The following BICRA variants were observed in gnomAD, a reference collection of about 807,000 sequenced individuals.
The protein encoded by BICRA is BRD4-interacting chromatin-remodeling complex-associated protein.
BICRA carries 31 observed loss-of-function variants against 96.9 expected under a neutral mutation model. The observed-to-expected ratio is 0.32, with a 90% CI of 0.24 to 0.43. The LOEUF is 0.43. BICRA is among the 20% of genes least tolerant of loss of function. The probability of loss-of-function intolerance (pLI) is 1.00; values close to 1 mark genes in which losing one functional copy is unlikely to be tolerated. For synonymous variants in BICRA, 1,350 were observed against 1,071.8 expected (o/e 1.26, Z -5.07); for missense variants, 2,283 against 2,190.3 (o/e 1.04, Z -0.84).
chr19:47,695,570 G>C, intron 10 of BICRA, 96 bp downstream of exon 10: 2 of 670,436 alleles, frequency 3.0e-6, no homozygotes, highest in South Asian at 3.4e-5. Flanking sequence ...TGGAAGACGC[G>C]GACAGGATGA....
At chr19:47,653,102 A>G (rs2123551347) in intron 1 of BICRA, among the ~76,000 whole-genome samples, 1 of 145,908 alleles carries the variant, frequency 6.9e-6, no homozygotes, top group Admixed American at 7.2e-5. Context: ...AGCTCACTGC[A>G]ACCTCCACCT....
At chr19:47,672,714 A>T (rs750313722) in intron 2 of BICRA, among the ~76,000 whole-genome samples, 1 of 151,840 alleles carries the variant, frequency 6.6e-6, no homozygotes, top group African/African-American at 2.4e-5. Context: ...TACAGAGAAC[A>T]CCTGCTTCCC....
At chr19:47,614,021 C>T (rs1440814407) in intron 1 of BICRA, among the ~76,000 whole-genome samples, 1 of 151,628 alleles carries the variant, frequency 6.6e-6, no homozygotes, top group African/African-American at 2.4e-5. Context: ...TGTGACAGGG[C>T]CCTGGGGATC....
intron 10 of BICRA, among the ~76,000 whole-genome samples, chr19:47,695,903 C>T (rs988361981): frequency 1.3e-5 from 2 of 151,754 alleles, no homozygotes; most frequent in Non-Finnish European, 2.9e-5. Context: ...CAGCTGAGGC[C>T]GAGGCCACTT....
rs141384954 is a variant in BICRA, at chr19:47,639,151, G to T, written c.-108+29983G>T. Among the ~76,000 whole-genome samples, 173 of 150,370 alleles carry T rather than the reference G, an allele frequency of 1.2e-3. No individual in the cohort carries two copies. In the East Asian group the frequency reaches 0.012, roughly 10 times the overall value. ...CCTGAGTAGCTGGGACTACAGGTGT[G>T]CAGCACCATACCTGACTAATTTTTT... On this transcript the variant is annotated intron_variant, in intron 1 of 14. Transcript: ENST00000594866.
intron 1 of BICRA, among the ~76,000 whole-genome samples, chr19:47,651,676 A>C (rs115982809): frequency 3.3e-4 from 50 of 152,280 alleles, no homozygotes; most frequent in African/African-American, 1.1e-3. Flanking sequence ...ATCTTAAATA[A>C]AATAGGTCGC....
intron 6 of BICRA, among the ~76,000 whole-genome samples, chr19:47,681,687 CAAG>C (rs1234988308): frequency 1.3e-5 from 2 of 151,992 alleles, no homozygotes; most frequent in East Asian, 3.9e-4. Flanking sequence ...TGCTGACAGA[CAAG>C]GAGAGGAATC....
chr19:47,610,794 GTGGGGGGTATTGTCAACTCTGACCTGCCC>G (rs1244924419), intron 1 of BICRA, among the ~76,000 whole-genome samples: 2 of 152,102 alleles, frequency 1.3e-5, no homozygotes, highest in African/African-American at 4.8e-5. Flanking sequence ...TGGGGTGGGT[GTGGGGGGTATTGTCAACTCTGACCTGCCC>G]TGGGTCATGA....
intron 1 of BICRA, among the ~76,000 whole-genome samples, chr19:47,620,513 C>G (rs1273412511): frequency 6.6e-6 from 1 of 151,662 alleles, no homozygotes; most frequent in Non-Finnish European, 1.5e-5. Context: ...CAAAAAAATA[C>G]AAAAAGTAGC....
In BICRA at chr19:47,694,988, C is replaced by CCG; in HGVS notation, c.2986_2987dup (p.Ala997LeufsTer50). ...ACCAGCCTGGGGCCCCTCACCAGCC[C>CCG]CGCTGCGTCTGTGCTGGTCAGTGGG... On this transcript the variant is annotated frameshift_variant, in exon 9 of 15. Transcript: ENST00000594866. LOFTEE classifies it high-confidence loss of function. 1 of 1,551,338 alleles carries CCG rather than the reference C, an allele frequency of 6.4e-7. No homozygotes were observed. Among genetic ancestry groups the CCG allele is most frequent in the East Asian group, 2.3e-5 (1 of 43,482 alleles).
chr19:47,613,923 G>T, intron 1 of BICRA, among the ~76,000 whole-genome samples: 1 of 151,800 alleles, frequency 6.6e-6, no homozygotes, highest in Admixed American at 6.6e-5. Flanking sequence ...TGTATTCATT[G>T]GGGGGAGGGG....
chr19:47,635,589 C>T (rs1310071251), intron 1 of BICRA, among the ~76,000 whole-genome samples: 1 of 152,010 alleles, frequency 6.6e-6, no homozygotes, highest in Non-Finnish European at 1.5e-5. Context: ...AAGCTCGATA[C>T]CTGTTGAACA....
intron 7 of BICRA, among the ~76,000 whole-genome samples, chr19:47,689,416 A>T (rs1291985668): frequency 6.8e-6 from 1 of 146,700 alleles, no homozygotes; most frequent in African/African-American, 2.5e-5. Flanking sequence ...ATTTATTTTT[A>T]TTTATTTTTT....
At chr19:47,648,337 C>T (rs1448821291) in intron 1 of BICRA, among the ~76,000 whole-genome samples, 2 of 151,888 alleles carry the variant, frequency 1.3e-5, no homozygotes, top group African/African-American at 4.8e-5. Flanking sequence ...AGGTCAGGCG[C>T]CTGACAGCGT....
At chr19:47,646,810 A>T (rs1419310122) in intron 1 of BICRA, among the ~76,000 whole-genome samples, 1 of 152,216 alleles carries the variant, frequency 6.6e-6, no homozygotes, top group Non-Finnish European at 1.5e-5. Context: ...TATAATTCAC[A>T]TACCATACAG....
intron 1 of BICRA, among the ~76,000 whole-genome samples, chr19:47,641,171 C>T (rs566214908): frequency 4.7e-5 from 7 of 149,710 alleles, no homozygotes; most frequent in Admixed American, 3.4e-4. Flanking sequence ...CTGCCTGCCT[C>T]GGCCTCCCAA....
rs1203318023 is a variant in BICRA, at chr19:47,694,131, C to T, written c.2300C>T (p.Pro767Leu). ...CCTGCCCAGATCCCGGCAGCGGCTC[C>T]GCTGAAGGGCCCAGGCCCCTCTTCG... ...APAPQIPAAA[P>L]LKGPGPSSSP... Residue 767 changes from proline (P) to leucine (L), a missense_variant, in exon 8 of 15, where the codon CCG becomes CTG. Transcript: ENST00000594866. 18 of 1,514,054 alleles carry T rather than the reference C, an allele frequency of 1.2e-5. No homozygotes were observed. Among genetic ancestry groups the T allele is most frequent in the Admixed American group, 8.1e-5 (4 of 49,208 alleles). The allele number at this position is 1,514,054 out of a possible 1,614,324, so 93.8% of individuals were successfully genotyped here. A position where few individuals can be genotyped will look rare whatever the true frequency, so the allele number is the denominator to read the frequency against.
intron 14 of BICRA, chr19:47,700,350 CAAA>C (rs58785921): frequency 6.6e-6 from 1 of 150,522 alleles, no homozygotes; most frequent in Non-Finnish European, 1.5e-5. Context: ...GACTCCGTCT[CAAA>C]AAAAAAGAAA....
intron 1 of BICRA, among the ~76,000 whole-genome samples, chr19:47,653,330 A>AT (rs144356560): frequency 0.47 from 67,482 of 143,780 alleles, 16,087 homozygotes; most frequent in East Asian, 0.77. Context: ...GCCTCATTCT[A>AT]TTTTTTTTTT....
Sources: gnomAD v4.1 joint callset for allele counts (sites outside exome capture counted in the v4.1 genomes callset) on GRCh38, gnomAD v4.1.1 for gene constraint, MANE v1.5 for transcripts, NCBI Gene and HGNC (gene_info 2026-07-23, HGNC 2026-07-21) for gene names.